The following GPC6 variants were observed in gnomAD, a reference collection of about 807,000 sequenced individuals.
The protein encoded by GPC6 is glypican 6.
A neutral mutation model predicts 55.2 loss-of-function variants in GPC6; 14 were observed. The ratio of observed to expected loss-of-function variants is 0.25; its 90% CI spans 0.17 to 0.40. The LOEUF (loss-of-function observed/expected upper bound fraction) is 0.40. Among genes scored for constraint, GPC6 ranks in the 10% least tolerant of loss-of-function variants. GPC6 has a pLI of 1.00. For missense variants in GPC6, 641 were observed against 708.5 expected (o/e 0.90, Z 1.08); for synonymous variants, 278 against 259.6 (o/e 1.07, Z -0.68).
At chr13:93,725,081 T>C (rs1490196524) in intron 2 of GPC6, among the ~76,000 whole-genome samples, 1 of 152,092 alleles carries the variant, frequency 6.6e-6, no homozygotes, top group Non-Finnish European at 1.5e-5. Flanking sequence ...CTGTGTTGTT[T>C]ACCTAAAGAA....
chr13:94,271,271 A>G (rs141936713), intron 4 of GPC6, among the ~76,000 whole-genome samples: 334 of 151,730 alleles, frequency 2.2e-3, no homozygotes, highest in African/African-American at 5.0e-3. Flanking sequence ...GATTACAGGC[A>G]TGAGCCACCG....
At chr13:93,902,933 T>TA (rs1283973857) in intron 3 of GPC6, among the ~76,000 whole-genome samples, 1 of 152,154 alleles carries the variant, frequency 6.6e-6, no homozygotes, top group Admixed American at 6.6e-5. Flanking sequence ...TCCATGCACT[T>TA]ATAGCCTACT....
intron 4 of GPC6, among the ~76,000 whole-genome samples, chr13:94,138,291 G>A (rs1320406528): frequency 6.6e-6 from 1 of 152,042 alleles, no homozygotes; most frequent in Non-Finnish European, 1.5e-5. Context: ...TTCAGATAAG[G>A]GATATTCAAA....
chr13:93,542,008 G>T (rs1882326287), intron 1 of GPC6, among the ~76,000 whole-genome samples: 1 of 152,106 alleles, frequency 6.6e-6, no homozygotes, highest in Admixed American at 6.6e-5. Flanking sequence ...CTTTTGCTGT[G>T]CAGAAGCTCT....
At chr13:94,192,701 T>C (rs1889437747) in intron 4 of GPC6, among the ~76,000 whole-genome samples, 1 of 152,180 alleles carries the variant, frequency 6.6e-6, no homozygotes, top group African/African-American at 2.4e-5. Context: ...TAACCAAAAC[T>C]GCCTCATGGG....
At chr13:93,337,514 GA>G (rs929965731) in intron 1 of GPC6, among the ~76,000 whole-genome samples, 7 of 150,950 alleles carry the variant, frequency 4.6e-5, no homozygotes, top group African/African-American at 9.8e-5. Context: ...AAAAAAAAAA[GA>G]AAAAAATCAG....
At chr13:93,684,608 GT>G (rs1362235530) in intron 2 of GPC6, among the ~76,000 whole-genome samples, 2 of 152,098 alleles carry the variant, frequency 1.3e-5, no homozygotes, top group Admixed American at 6.6e-5. Flanking sequence ...AAGGACTGAA[GT>G]TTTTTATAAT....
chr13:93,896,552 T>C (rs568463658), intron 3 of GPC6, among the ~76,000 whole-genome samples: 11 of 152,188 alleles, frequency 7.2e-5, no homozygotes, highest in Admixed American at 5.2e-4. Context: ...GGATAAAAGA[T>C]GTGTAGCAGA....
chr13:94,353,719 T>C (rs1205470617), intron 6 of GPC6, among the ~76,000 whole-genome samples: 6 of 152,172 alleles, frequency 3.9e-5, no homozygotes, highest in African/African-American at 9.7e-5. Flanking sequence ...ATGCTGAAAA[T>C]TTCATCCAGT....
chr13:93,985,310 A>T (rs1880974731), intron 3 of GPC6, among the ~76,000 whole-genome samples: 1 of 151,886 alleles, frequency 6.6e-6, no homozygotes, highest in Non-Finnish European at 1.5e-5. Flanking sequence ...AATGGTGCAC[A>T]CCTGTAATCC....
At chr13:93,856,738 T>G (rs575578871) in intron 3 of GPC6, among the ~76,000 whole-genome samples, 16 of 151,632 alleles carry the variant, frequency 1.1e-4, no homozygotes, top group African/African-American at 3.9e-4. Flanking sequence ...TGGCTATAGC[T>G]TCAATTAAAA....
At chr13:93,450,473 A>C (rs1370890212) in intron 1 of GPC6, among the ~76,000 whole-genome samples, 1 of 152,202 alleles carries the variant, frequency 6.6e-6, no homozygotes, top group Non-Finnish European at 1.5e-5. Context: ...AGTTGTTGTC[A>C]TTCAACAAGT....
intron 2 of GPC6, among the ~76,000 whole-genome samples, chr13:93,811,063 A>G (rs968379401): frequency 6.6e-6 from 1 of 152,238 alleles, no homozygotes; most frequent in African/African-American, 2.4e-5. Flanking sequence ...GCAACATCAA[A>G]TTACCTTGTA....
chr13:93,645,156 C>A (rs1204060185), intron 2 of GPC6, among the ~76,000 whole-genome samples: 1 of 152,038 alleles, frequency 6.6e-6, no homozygotes, highest in East Asian at 1.9e-4. Flanking sequence ...AGGAAAGAAT[C>A]TCACCTTAGA....
intron 2 of GPC6, among the ~76,000 whole-genome samples, chr13:93,813,961 C>T (rs1451448567): frequency 6.6e-6 from 1 of 152,074 alleles, no homozygotes; most frequent in African/African-American, 2.4e-5. Context: ...TTATCTCTTA[C>T]TCTTACAATA....
intron 4 of GPC6, among the ~76,000 whole-genome samples, chr13:94,240,912 G>A (rs74105752): frequency 0.05 from 7,597 of 152,194 alleles, 245 homozygotes; most frequent in African/African-American, 0.079. Context: ...CTAGGTTGAC[G>A]TCATATTCTT....
chr13:93,628,783 A>C (rs1179817463), intron 2 of GPC6, among the ~76,000 whole-genome samples: 1 of 152,216 alleles, frequency 6.6e-6, no homozygotes, highest in African/African-American at 2.4e-5. Context: ...TAAATATATC[A>C]TTTAAATGAA....
At position 93,302,426 on chromosome 13, in the gene GPC6, G is replaced by A. The variant is rs146259084; in HGVS notation, c.160+74810G>A. On this transcript the variant is annotated intron_variant, in intron 1 of 8. Coordinates refer to ENST00000377047, the MANE Select transcript of GPC6 (RefSeq NM_005708.5). ...GTAGTGGAATACATGTTTTAACCTG[G>A]AGTATGTTTTAAGAATAGCACTTTG... Among the ~76,000 whole-genome samples, 1,051 of 152,276 alleles carry A rather than the reference G, an allele frequency of 6.9e-3. 5 individuals are homozygous for A. Among genetic ancestry groups the A allele is most frequent in the South Asian group, 0.017 (82 of 4,826 alleles).
chr13:94,018,794 C>T (rs1030740129), intron 3 of GPC6, among the ~76,000 whole-genome samples: 1 of 152,144 alleles, frequency 6.6e-6, no homozygotes, highest in Admixed American at 6.5e-5. Context: ...CACCTCCTGT[C>T]AGATCAGTGG....
Sources: gnomAD v4.1 joint callset for allele counts (sites outside exome capture counted in the v4.1 genomes callset) on GRCh38, gnomAD v4.1.1 for gene constraint, MANE v1.5 for transcripts, NCBI Gene and HGNC (gene_info 2026-07-23, HGNC 2026-07-21) for gene names.